The following EPB41L4A variants were observed in gnomAD, a reference collection of about 807,000 sequenced individuals.
The protein encoded by EPB41L4A is erythrocyte membrane protein band 4.1 like 4A.
In EPB41L4A, 100 loss-of-function variants were observed where a neutral mutation model predicts 108.6. The observed-to-expected ratio is 0.92, with a 90% CI of 0.78 to 1.09. The LOEUF (loss-of-function observed/expected upper bound fraction) is 1.09. EPB41L4A is among the 50% of genes least tolerant of loss of function. The pLI is 0.00. For missense variants in EPB41L4A, 1,030 were observed against 842.7 expected, an observed-to-expected ratio of 1.22 and a Z score of -2.75; for synonymous variants, 319 against 289.0, an observed-to-expected ratio of 1.10 and a Z score of -1.05.
In EPB41L4A at chr5:112,351,742, C is replaced by T. The variant is rs573745718; in HGVS notation, c.100-44252G>A. 9.2e-5 allele frequency among the ~76,000 whole-genome samples: 14 copies of T among 152,054 alleles called. No homozygotes were observed. The East Asian group carries it at 2.3e-3, about 25-fold the overall frequency. On this transcript the variant is annotated intron_variant, in intron 1 of 22. Transcript: ENST00000261486. ...CTGATGAACATAGGTGTGAAAATCC[C>T]GAACAAAAGACTAAAAATCCAAATC...
chr5:112,413,312 T>A (rs555405235), intron 1 of EPB41L4A, among the ~76,000 whole-genome samples: 1 of 152,350 alleles, frequency 6.6e-6, no homozygotes, highest in East Asian at 1.9e-4. Flanking sequence ...TTTCTACCCA[T>A]TATCAATACA....
rs748783893 is a variant in EPB41L4A at position 112,419,080 on chromosome 5, C to G, written c.-41G>C. The G allele has an allele frequency of 6.7e-7, 1 of 1,493,878 alleles. No individual in the cohort carries two copies. The highest frequency in any genetic ancestry group is 1.7e-5 in the Admixed American group (1 of 59,426). The allele number at this position is 1,493,878 out of a possible 1,614,324, so 92.5% of individuals were successfully genotyped here. On this transcript the variant is annotated 5_prime_UTR_variant, in exon 1 of 23. Transcript: ENST00000261486. ...CTCCAGCCAGGAGAGAAAGCTACCA[C>G]CGAGGCGCCCAGCCGCCCCCTCCAC... is the stretch of plus-strand genomic sequence containing the variant.
At chr5:112,263,088 A>T (rs1751607265) in intron 6 of EPB41L4A, among the ~76,000 whole-genome samples, 1 of 152,212 alleles carries the variant, frequency 6.6e-6, no homozygotes, top group African/African-American at 2.4e-5. Flanking sequence ...CAGAGATTGT[A>T]AAAAATGCTT....
At chr5:112,146,573 T>C (rs1383045052) in intron 12 of EPB41L4A, among the ~76,000 whole-genome samples, 2 of 152,228 alleles carry the variant, frequency 1.3e-5, no homozygotes, top group African/African-American at 4.8e-5. Flanking sequence ...ACATGCCACA[T>C]ATATTTAGTC....
At chr5:112,313,679 G>A (rs944984444) in intron 1 of EPB41L4A, among the ~76,000 whole-genome samples, 1 of 152,042 alleles carries the variant, frequency 6.6e-6, no homozygotes, top group Non-Finnish European at 1.5e-5. Flanking sequence ...CAACCAGGCA[G>A]AAATTAGTCA....
downstream of EPB41L4A, chr5:112,162,492 G>T (rs1580343609): frequency 6.6e-6 from 1 of 152,218 alleles, no homozygotes; most frequent in East Asian, 1.9e-4. Flanking sequence ...ATCGTGGCTA[G>T]AACTAGACTG....
intron 13 of EPB41L4A, among the ~76,000 whole-genome samples, chr5:112,208,432 C>T (rs950005588): frequency 3.9e-5 from 6 of 151,954 alleles, no homozygotes; most frequent in Non-Finnish European, 7.4e-5. Context: ...TGCGGCAACA[C>T]GGACGCAACT....
At chr5:112,253,043 G>A (rs921219037) in intron 9 of EPB41L4A, among the ~76,000 whole-genome samples, 1 of 152,120 alleles carries the variant, frequency 6.6e-6, no homozygotes, top group African/African-American at 2.4e-5. Flanking sequence ...AGTAGAAGAC[G>A]ATCAGGCAAG....
rs182915839 is a variant in EPB41L4A, at chr5:112,251,203, G to A, written c.795+8026C>T. 5.3e-5 allele frequency among the ~76,000 whole-genome samples: 8 copies of A among 152,200 alleles called. No individual in the cohort carries two copies. The South Asian group carries it at 8.3e-4, about 16-fold the overall frequency. On this transcript the variant is annotated intron_variant, in intron 9 of 22. Transcript: ENST00000261486. Reference sequence around the variant, plus strand: ...TGGAGACACAAAATGGTACAACTACGAATGAAGCCTGGGCATAAGGCAATA... The same window carrying A: ...TGGAGACACAAAATGGTACAACTACAAATGAAGCCTGGGCATAAGGCAATA...
At chr5:112,310,718 C>T (rs1318233963) in intron 1 of EPB41L4A, among the ~76,000 whole-genome samples, 7 of 152,170 alleles carry the variant, frequency 4.6e-5, no homozygotes, top group South Asian at 4.2e-4. Flanking sequence ...GAGAAATTCC[C>T]GCTTTAGTCC....
chr5:112,215,711 A>T (rs982333099), intron 12 of EPB41L4A, among the ~76,000 whole-genome samples: 1 of 147,206 alleles, frequency 6.8e-6, no homozygotes, highest in Non-Finnish European at 1.5e-5. Flanking sequence ...TGCAGTGAGC[A>T]GAGATCGCGC....
intron 2 of EPB41L4A, among the ~76,000 whole-genome samples, chr5:112,304,393 TGA>T (rs1754560460): frequency 6.6e-6 from 1 of 152,174 alleles, no homozygotes; most frequent in Non-Finnish European, 1.5e-5. Context: ...GGCCCTAATA[TGA>T]GAGACCTACA....
intron 1 of EPB41L4A, among the ~76,000 whole-genome samples, chr5:112,408,559 T>C (rs1205430744): frequency 6.6e-6 from 1 of 151,136 alleles, no homozygotes; most frequent in Non-Finnish European, 1.5e-5. Context: ...CCAAAAAAGA[T>C]ATACAAATGA....
rs1198491850 is a variant in EPB41L4A, at chr5:112,169,002, C to T, written c.1843G>A (p.Glu615Lys). 3 of 1,612,884 alleles carry T rather than the reference C, an allele frequency of 1.9e-6. No homozygotes were observed. The highest frequency in any genetic ancestry group is 2.5e-6 in the Non-Finnish European group (3 of 1,178,856). ...CSDGERSVLS[E>K]VNSKTDLVPP... ...TCTGGCCTGCCCACTTACTTCACTT[C>T]CGAGAGAACTGATCGCTCCCCATCT... is the stretch of plus-strand genomic sequence containing the variant. The change falls in exon 21 of 23, where the codon GAA (glutamate) becomes AAA (lysine). Residue 615 changes from glutamate to lysine, a missense_variant. Glu to Lys is a moderately conservative substitution (Grantham distance 56). Coordinates refer to ENST00000261486, the MANE Select transcript of EPB41L4A (RefSeq NM_022140.5).
intron 21 of EPB41L4A, 45 bp from the exon 22 acceptor site, chr5:112,168,865 G>C: frequency 6.5e-7 from 1 of 1,547,640 alleles, no homozygotes; most frequent in Non-Finnish European, 8.9e-7. Context: ...ACAGTATCTA[G>C]AATCATAAAT....
chr5:112,317,881 C>T (rs1755531174), intron 1 of EPB41L4A, among the ~76,000 whole-genome samples: 1 of 152,028 alleles, frequency 6.6e-6, no homozygotes, highest in Non-Finnish European at 1.5e-5. Flanking sequence ...ACAGAGATAA[C>T]CCATATGAAC....
At chr5:112,316,838 C>T (rs1755457575) in intron 1 of EPB41L4A, among the ~76,000 whole-genome samples, 1 of 152,164 alleles carries the variant, frequency 6.6e-6, no homozygotes, top group South Asian at 2.1e-4. Flanking sequence ...CCCAGGATGG[C>T]TTCATTCACA....
chr5:112,374,026 A>C (rs572001174), intron 1 of EPB41L4A, among the ~76,000 whole-genome samples: 1 of 152,324 alleles, frequency 6.6e-6, no homozygotes, highest in East Asian at 1.9e-4. Context: ...GTTCTGTCAG[A>C]ATGTAACCCT....
At position 112,164,550 on chromosome 5, in the gene EPB41L4A, A is replaced by G. The variant is rs1348418230; in HGVS notation, c.*440T>C. 6.6e-6 allele frequency: 1 copy of G among 152,506 alleles called. No homozygotes were observed. Among genetic ancestry groups the G allele is most frequent in the African/African-American group, 2.4e-5 (1 of 41,456 alleles). The allele number at this position is 152,506 out of a possible 1,614,324, so 9.4% of individuals were successfully genotyped here. A position where few individuals can be genotyped will look rare whatever the true frequency, so the allele number is the denominator to read the frequency against. On this transcript the variant is annotated 3_prime_UTR_variant, in exon 23 of 23. Transcript: ENST00000261486. ...TAAAACAAAAAGGTCCTTCAGCACA[A>G]CTGTGCTGTAGTTAAACCATGGCCT...
Sources: gnomAD v4.1 joint callset for allele counts (sites outside exome capture counted in the v4.1 genomes callset) on GRCh38, gnomAD v4.1.1 for gene constraint, MANE v1.5 for transcripts, NCBI Gene and HGNC (gene_info 2026-07-23, HGNC 2026-07-21) for gene names.